SLC8B1: variants seen among roughly 807,000 people sequenced by gnomAD.
SLC8B1 encodes the protein solute carrier family 8 member B1.
A neutral mutation model predicts 63.4 loss-of-function variants in SLC8B1; 52 were observed. The observed-to-expected ratio is 0.82, with a 90% CI of 0.66 to 1.03. The LOEUF (loss-of-function observed/expected upper bound fraction) is 1.03. Ranked by LOEUF, SLC8B1 falls within the 50% of genes least tolerant of loss-of-function variation. SLC8B1 has a pLI of 0.00. For synonymous variants in SLC8B1, 336 were observed against 323.9 expected (o/e 1.04, Z -0.40); for missense variants, 657 against 741.7 (o/e 0.89, Z 1.33).
Position 113,327,979 on chromosome 12 carries a change from CAAA to C in SLC8B1, c.156+4741_156+4743del, listed in dbSNP as rs76685425. ...GGCAACAAGAGCGAAACTACGTCTC[CAAA>C]AAAAAAAAAAAAAGGTTGCATTATC... On this transcript the variant is annotated intron_variant, in intron 2 of 15. Transcript: ENST00000680972. Among the ~76,000 whole-genome samples the C allele has an allele frequency of 4.8e-3, 417 of 86,728 alleles. 4 individuals carry two copies. The highest frequency in any genetic ancestry group is 0.015 in the African/African-American group (379 of 25,730). 56.9% of individuals were successfully genotyped at this position (86,728 alleles called of 152,430 possible).
chr12:113,326,572 T>C (rs1956999290), intron 2 of SLC8B1, among the ~76,000 whole-genome samples: 2 of 152,128 alleles, frequency 1.3e-5, no homozygotes, highest in African/African-American at 4.8e-5. Context: ...TTCACCATGT[T>C]GGCCAGGCTA....
intron 2 of SLC8B1, among the ~76,000 whole-genome samples, chr12:113,326,107 A>G (rs1430262651): frequency 6.6e-6 from 1 of 152,228 alleles, no homozygotes; most frequent in East Asian, 1.9e-4. Context: ...GCCAAGAATG[A>G]TTCTTACATT....
chr12:113,306,660 T>C, intron 13 of SLC8B1, 85 bp from the exon 14 acceptor site: 2 of 1,143,444 alleles, frequency 1.7e-6, no homozygotes, highest in Non-Finnish European at 2.6e-6. Context: ...TCACCCACGG[T>C]CATTCAGGCA....
At position 113,299,624 on chromosome 12, in the gene SLC8B1, CA is replaced by C. The variant is rs1956541388; in HGVS notation, c.*152del. The C allele has an allele frequency of 1.4e-6, 1 of 703,820 alleles. No homozygotes were observed. The highest frequency in any genetic ancestry group is 1.8e-5 in the African/African-American group (1 of 56,314). The allele number at this position is 703,820 out of a possible 1,614,324, so 43.6% of individuals were successfully genotyped here. On this transcript the variant is annotated 3_prime_UTR_variant, in exon 16 of 16. Coordinates refer to ENST00000680972, the MANE Select transcript of SLC8B1 (RefSeq NM_001358345.2). ...AGCAAGAGGTACACAGCAGTTCTCC[CA>C]GCTCACAGCAGTGACCTCAGATCTC... is the stretch of plus-strand genomic sequence containing the variant.
chr12:113,310,926 T>C (rs1956750257), intron 11 of SLC8B1, among the ~76,000 whole-genome samples: 1 of 152,256 alleles, frequency 6.6e-6, no homozygotes, highest in African/African-American at 2.4e-5. Flanking sequence ...TTAAAGACGA[T>C]GAATAGTTCA....
rs994524728 is a variant in SLC8B1, at chr12:113,332,747, A to T, written c.132T>A (p.Gly44=). ...AHISPQFPAS[G]VNQTPVVDCR... ...CGTCTACCACGGGGGTCTGGTTCAC[A>T]CCTGAAGCTGGAAACTGGGGGCTAA... The change falls in exon 2 of 16, where the codon GGT becomes GGA. Residue 44 remains glycine, a synonymous_variant. Coordinates refer to ENST00000680972, the MANE Select transcript of SLC8B1 (RefSeq NM_001358345.2). 1 of 1,613,928 alleles carries T rather than the reference A, an allele frequency of 6.2e-7. No individual in the cohort carries two copies. The highest frequency in any genetic ancestry group is 8.5e-7 in the Non-Finnish European group (1 of 1,179,990).
chr12:113,304,307 C>T lies in SLC8B1; in HGVS notation c.1557+14G>A, dbSNP rs368624609. ...TTGGTTATATACACTTGTAAACTTACAAGGAATACTCACCTTCACTTCTGT... is the reference window on the plus strand; with the variant it reads ...TTGGTTATATACACTTGTAAACTTATAAGGAATACTCACCTTCACTTCTGT... On this transcript the variant is annotated intron_variant, in intron 15 of 15. Transcript: ENST00000680972. The T allele has an allele frequency of 5.0e-6, 8 of 1,613,300 alleles. No individual in the cohort carries two copies. In the South Asian group the frequency reaches 5.5e-5, roughly 11 times the overall value.
rs374525440 is a variant in SLC8B1, at chr12:113,320,606, G to A, written c.501C>T (p.Ala167=). The change falls in exon 6 of 16, where the codon GCC becomes GCT. Residue 167 remains alanine (A), a synonymous_variant. Coordinates refer to ENST00000680972, the MANE Select transcript of SLC8B1 (RefSeq NM_001358345.2). This position sits in a 1 kb window ranked among gnomAD's most constrained non-coding sequence, Gnocchi z 5.3. ...ALVAFSDPHT[A]GLALGALFGA... is the part of the protein sequence containing the mutation. ...CAAACAGTGCCCCAAGGGCCAGGCC[G>A]GCTGTGTGCGGGTCAGAGAAGGCCA... 244 of 1,613,940 alleles carry A rather than the reference G, an allele frequency of 1.5e-4. No homozygotes were observed. Among genetic ancestry groups the A allele is most frequent in the Non-Finnish European group, 1.8e-4 (216 of 1,180,028 alleles).
chr12:113,334,156 GCCTCTTC>G (rs1282239771), intron 1 of SLC8B1, among the ~76,000 whole-genome samples: 1 of 152,192 alleles, frequency 6.6e-6, no homozygotes, highest in African/African-American at 2.4e-5. Flanking sequence ...ACCACCATGT[GCCTCTTC>G]CCTCAAGACC....
intron 10 of SLC8B1, 144 bp from the exon 11 acceptor site, chr12:113,315,620 G>T: frequency 2.0e-6 from 2 of 985,418 alleles, no homozygotes; most frequent in Non-Finnish European, 2.9e-6. Flanking sequence ...GTGCCTGGTT[G>T]CCTCTGGCTA....
At chr12:113,332,573 CT>C in intron 2 of SLC8B1, 149 bp downstream of exon 2, 1 of 958,914 alleles carries the variant, frequency 1.0e-6, no homozygotes, top group Non-Finnish European at 1.5e-6. Context: ...AGACTGTCAG[CT>C]TCTTGAGAGT....
intron 11 of SLC8B1, among the ~76,000 whole-genome samples, chr12:113,310,625 C>T (rs1057250979): frequency 6.6e-6 from 1 of 152,198 alleles, no homozygotes; most frequent in Non-Finnish European, 1.5e-5. Flanking sequence ...CACCCTCTTC[C>T]ACCTTCATGG....
At chr12:113,330,692 C>T (rs529109108) in intron 2 of SLC8B1, among the ~76,000 whole-genome samples, 5 of 152,224 alleles carry the variant, frequency 3.3e-5, no homozygotes, top group African/African-American at 2.4e-5. Context: ...AACCACTTTC[C>T]CATCTGTAAA....
intron 15 of SLC8B1, among the ~76,000 whole-genome samples, chr12:113,303,806 C>A (rs1344400964): frequency 1.3e-5 from 2 of 152,138 alleles, no homozygotes; most frequent in Admixed American, 6.5e-5. Context: ...GCGTGCTTAT[C>A]CAGGAAGCTC....
In SLC8B1 at chr12:113,316,151, G is replaced by A. The variant is rs1243183672; in HGVS notation, c.993+375C>T. Among the ~76,000 whole-genome samples the A allele has an allele frequency of 2.0e-5, 3 of 151,940 alleles. No individual in the cohort carries two copies. The East Asian group carries it at 5.8e-4, about 29-fold the overall frequency. ...AGGCAGGAGAATGGCGTGAACCCGG[G>A]AGGTGGAGCTTGCAGTGAGCCGAGA... On this transcript the variant is annotated intron_variant, in intron 10 of 15. Coordinates refer to ENST00000680972, the MANE Select transcript of SLC8B1 (RefSeq NM_001358345.2).
intron 2 of SLC8B1, among the ~76,000 whole-genome samples, chr12:113,324,328 C>A (rs2384140): frequency 0.21 from 28,577 of 134,410 alleles, 3,748 homozygotes; most frequent in African/African-American, 0.39. Context: ...AACAAACAAA[C>A]AAAAAAAAAA....
intron 11 of SLC8B1, among the ~76,000 whole-genome samples, chr12:113,311,097 T>A (rs1283658439): frequency 6.6e-6 from 1 of 152,160 alleles, no homozygotes; most frequent in African/African-American, 2.4e-5. Flanking sequence ...TGCAGATCGC[T>A]TGAGCCCAGG....
At position 113,308,790 on chromosome 12, in the gene SLC8B1, T is replaced by C. The variant is rs118094696; in HGVS notation, c.1258-946A>G. The C allele has an allele frequency of 6.6e-5, 10 of 152,364 alleles. No homozygotes were observed. The East Asian group carries it at 1.3e-3, about 21-fold the overall frequency. The allele number at this position is 152,364 out of a possible 1,614,324, so 9.4% of individuals were successfully genotyped here. On this transcript the variant is annotated intron_variant, in intron 12 of 15. Transcript: ENST00000680972. ...CAACACCCTTCGGTTGGTACATTCA[T>C]TGAGTTTCCAAAAGTAAAAACTAAA...
Position 113,320,434 on chromosome 12 carries a change from A to C in SLC8B1, c.591T>G (p.Ala197=), listed in dbSNP as rs926893272. Residue 197 remains alanine, a synonymous_variant, in exon 7 of 16, where the codon GCT becomes GCG. Coordinates refer to ENST00000680972, the MANE Select transcript of SLC8B1 (RefSeq NM_001358345.2). This position sits in a 1 kb window ranked among gnomAD's most constrained non-coding sequence, Gnocchi z 5.3. Reference sequence around the variant, plus strand: ...TGTCCCTGAAGAAGGGCCTGGAGGCAGCCATGAAGGGGTGTAGGATGGTAA... The same window carrying C: ...TGTCCCTGAAGAAGGGCCTGGAGGCCGCCATGAAGGGGTGTAGGATGGTAA... ...GGITILHPFM[A]ASRPFFRDIV... The C allele has an allele frequency of 6.2e-7, 1 of 1,614,202 alleles. No homozygotes were observed. Among genetic ancestry groups the C allele is most frequent in the East Asian group, 2.2e-5 (1 of 44,886 alleles).
Sources: allele counts gnomAD v4.1 joint callset (sites outside exome capture counted in the v4.1 genomes callset), GRCh38; gene constraint gnomAD v4.1.1; non-coding constraint Gnocchi (gnomAD v3.1); transcripts MANE v1.5; gene names NCBI Gene and HGNC (gene_info 2026-07-23, HGNC 2026-07-21).